Variants in UQCC1 observed in about 807,000 individuals in gnomAD.
UQCC1 encodes bFGF-repressed Zic-binding protein.
In UQCC1, 38 loss-of-function variants were observed where a neutral mutation model predicts 48.0. The ratio of observed to expected loss-of-function variants is 0.79; its 90% confidence interval spans 0.61 to 1.04. The LOEUF is 1.04. Among genes scored for constraint, UQCC1 ranks in the 50% least tolerant of loss-of-function variants. The pLI, the probability that UQCC1 is intolerant of heterozygous loss-of-function variation, is 0.00. For synonymous variants in UQCC1, 111 were observed against 129.2 expected (o/e 0.86, Z 0.95); for missense variants, 368 against 381.8 (o/e 0.96, Z 0.30).
intron 8 of UQCC1, chr20:35,309,215 T>C (rs2060962742): frequency 2.2e-6 from 1 of 455,596 alleles, no homozygotes; most frequent in Non-Finnish European, 4.4e-6. Context: ...GGTGGATCAC[T>C]TGAGCCCAGG....
At chr20:35,354,611 T>C (rs953061086) in intron 6 of UQCC1, among the ~76,000 whole-genome samples, 1 of 152,142 alleles carries the variant, frequency 6.6e-6, no homozygotes, top group Non-Finnish European at 1.5e-5. Flanking sequence ...TTAGCCAGGA[T>C]GGTCTCATCT....
At chr20:35,341,954 G>C (rs1298850094) in intron 7 of UQCC1, among the ~76,000 whole-genome samples, 1 of 152,152 alleles carries the variant, frequency 6.6e-6, no homozygotes, top group Non-Finnish European at 1.5e-5. Context: ...AATGAGTTTG[G>C]AGAGGTGGTC....
intron 2 of UQCC1, chr20:35,384,515 C>T: frequency 2.7e-6 from 1 of 374,288 alleles, no homozygotes; most frequent in Admixed American, 3.4e-5. Context: ...GTGGTGCATG[C>T]CTATAGTCTT....
intron 5 of UQCC1, among the ~76,000 whole-genome samples, chr20:35,371,830 TGA>T (rs1173491911): frequency 6.6e-6 from 1 of 151,050 alleles, no homozygotes; most frequent in Non-Finnish European, 1.5e-5. Flanking sequence ...GGCAACATAG[TGA>T]GACCCTGTCT....
At chr20:35,348,509 C>T (rs895731847) in intron 6 of UQCC1, among the ~76,000 whole-genome samples, 1 of 152,136 alleles carries the variant, frequency 6.6e-6, no homozygotes, top group Non-Finnish European at 1.5e-5. Context: ...CCTGCTTCAG[C>T]CTCCCAAGCA....
At chr20:35,388,121 C>T (rs1367737984) in intron 2 of UQCC1, among the ~76,000 whole-genome samples, 4 of 151,706 alleles carry the variant, frequency 2.6e-5, no homozygotes, top group Non-Finnish European at 5.9e-5. Flanking sequence ...GCTGGGATTA[C>T]AGACGTGTGC....
intron 2 of UQCC1, chr20:35,386,259 T>C (rs1177537583): frequency 5.0e-6 from 2 of 399,556 alleles, no homozygotes; most frequent in Non-Finnish European, 9.7e-6. Context: ...TTCCAAACTC[T>C]CACTAATGCT....
chr20:35,325,210 T>C (rs2061178964), intron 7 of UQCC1, among the ~76,000 whole-genome samples: 1 of 152,238 alleles, frequency 6.6e-6, no homozygotes, highest in South Asian at 2.1e-4. Flanking sequence ...AAAATTATTA[T>C]TTAATGGGCA....
chr20:35,341,682 T>A (rs1016326379), intron 7 of UQCC1, among the ~76,000 whole-genome samples: 1 of 152,186 alleles, frequency 6.6e-6, no homozygotes, highest in South Asian at 2.1e-4. Context: ...ATCATTAAGG[T>A]ACTTCCTTAG....
intron 7 of UQCC1, chr20:35,345,529 T>C (rs1380574437): frequency 6.6e-6 from 1 of 152,084 alleles, no homozygotes; most frequent in Non-Finnish European, 1.5e-5. Flanking sequence ...ACACAGCAGC[T>C]ACGACAGAAA....
chr20:35,362,410 T>C (rs1297882159), intron 6 of UQCC1, among the ~76,000 whole-genome samples: 1 of 152,116 alleles, frequency 6.6e-6, no homozygotes, highest in Non-Finnish European at 1.5e-5. Flanking sequence ...TAGGCCGGAG[T>C]GCGTGGCGCC....
chr20:35,404,158 G>T (rs1345233347), intron 1 of UQCC1, among the ~76,000 whole-genome samples: 1 of 152,070 alleles, frequency 6.6e-6, no homozygotes, highest in African/African-American at 2.4e-5. Context: ...GAGGCGGGCG[G>T]ATCACGAGGT....
At chr20:35,400,384 C>T (rs555782678) in intron 1 of UQCC1, among the ~76,000 whole-genome samples, 76 of 152,188 alleles carry the variant, frequency 5.0e-4, no homozygotes, top group African/African-American at 1.7e-3. Context: ...ATAGCCACTC[C>T]CAATGGCAAA....
chr20:35,389,981 G>A (rs748320029), intron 2 of UQCC1, among the ~76,000 whole-genome samples: 4 of 152,108 alleles, frequency 2.6e-5, no homozygotes, highest in East Asian at 1.9e-4. Context: ...AGAAGAGTAC[G>A]CAGCCTTAAA....
intron 1 of UQCC1, among the ~76,000 whole-genome samples, chr20:35,407,414 C>G (rs1281443756): frequency 6.8e-6 from 1 of 146,740 alleles, no homozygotes; most frequent in African/African-American, 2.5e-5. Flanking sequence ...GGTGACAGTG[C>G]AAGACCCTGT....
intron 2 of UQCC1, 70 bp downstream of exon 2, chr20:35,394,022 C>G: frequency 6.8e-7 from 1 of 1,472,372 alleles, no homozygotes; most frequent in East Asian, 2.3e-5. Flanking sequence ...GTTGGCTAAT[C>G]TATAAATACA....
At chr20:35,341,623 C>T (rs1406604766) in intron 7 of UQCC1, among the ~76,000 whole-genome samples, 2 of 152,140 alleles carry the variant, frequency 1.3e-5, no homozygotes, top group Non-Finnish European at 2.9e-5. Context: ...AAGTGAATAA[C>T]AGTGATACAA....
intron 8 of UQCC1, among the ~76,000 whole-genome samples, chr20:35,312,448 C>CCAGG (rs1048113387): frequency 5.9e-5 from 9 of 152,108 alleles, no homozygotes; most frequent in African/African-American, 2.2e-4. Flanking sequence ...AAGCACTATG[C>CCAGG]CAGGCCACAG....
intron 4 of UQCC1, among the ~76,000 whole-genome samples, chr20:35,376,757 G>C (rs1044974637): frequency 1.3e-5 from 2 of 152,026 alleles, no homozygotes. Context: ...GAGGTCAAGA[G>C]ATTGAGACCA....
Sources: allele counts gnomAD v4.1 joint callset (sites outside exome capture counted in the v4.1 genomes callset), GRCh38; gene constraint gnomAD v4.1.1; transcripts MANE v1.5; gene names NCBI Gene and HGNC (gene_info 2026-07-23, HGNC 2026-07-21).